Variants in SCAF4 observed in about 807,000 individuals in gnomAD.
The protein encoded by SCAF4 is SR-related CTD associated factor 4.
A neutral mutation model predicts 129.8 loss-of-function variants in SCAF4; 25 were observed. The observed-to-expected ratio is 0.19, with a 90% CI of 0.14 to 0.27. The LOEUF (loss-of-function observed/expected upper bound fraction) is 0.27, where lower values mean the gene tolerates loss of function less well. SCAF4 is among the 10% of genes least tolerant of loss of function. The pLI, the probability that SCAF4 is intolerant of heterozygous loss-of-function variation, is 1.00. For missense variants in SCAF4, 1,246 were observed against 1,457.1 expected (o/e 0.86, Z 2.36); for synonymous variants, 551 against 497.7 (o/e 1.11, Z -1.43).
At chr21:31,705,307 C>A in intron 3 of SCAF4, 116 bp downstream of exon 3, 1 of 515,202 alleles carries the variant, frequency 1.9e-6, no homozygotes, top group Non-Finnish European at 3.5e-6. Context: ...TAAAAAGAAC[C>A]TCTAGTGACT....
intron 1 of SCAF4, among the ~76,000 whole-genome samples, chr21:31,716,788 T>C (rs1413282238): frequency 6.6e-6 from 1 of 152,148 alleles, no homozygotes. Context: ...AATGTGTGTC[T>C]GGGTTAATAC....
rs549879115 is a variant in SCAF4, at chr21:31,709,361, A to AAAAAG, written c.31-3005_31-3004insCTTTT. 4.8e-3 allele frequency among the ~76,000 whole-genome samples: 731 copies of AAAAAG among 151,406 alleles called. 2 individuals are homozygous for AAAAAG. The highest frequency in any genetic ancestry group is 0.017 in the Middle Eastern group (5 of 294). On this transcript the variant is annotated intron_variant, in intron 1 of 19. Coordinates refer to ENST00000286835, the MANE Select transcript of SCAF4 (RefSeq NM_020706.2). ...GGTACTGAAACTGTCAAAAAAAAAA[A>AAAAAG]AAAGAAAGAAAGAAAGAAAGAAATG...
chr21:31,709,446 C>T (rs1175724382), intron 1 of SCAF4, among the ~76,000 whole-genome samples: 3 of 151,890 alleles, frequency 2.0e-5, no homozygotes, highest in Non-Finnish European at 4.4e-5. Flanking sequence ...TTAAGGAAAC[C>T]TAAGCCAGAG....
intron 1 of SCAF4, among the ~76,000 whole-genome samples, chr21:31,711,666 ATATAT>A (rs1306598997): frequency 6.6e-6 from 1 of 152,224 alleles, no homozygotes; most frequent in Non-Finnish European, 1.5e-5. Flanking sequence ...ATTATTTCAA[ATATAT>A]TAGCCCAGAA....
intron 1 of SCAF4, among the ~76,000 whole-genome samples, chr21:31,709,903 T>C (rs563309322): frequency 2.4e-4 from 36 of 151,576 alleles, no homozygotes; most frequent in African/African-American, 8.0e-4. Flanking sequence ...GCCTAGGCCA[T>C]GATCTGAACT....
At chr21:31,708,336 C>T (rs186178557) in intron 1 of SCAF4, among the ~76,000 whole-genome samples, 4 of 150,396 alleles carry the variant, frequency 2.7e-5, no homozygotes, top group East Asian at 2.0e-4. Context: ...GCCAAGATCG[C>T]GCCACTGCAC....
rs1278515378 is a variant in SCAF4 at position 31,702,257 on chromosome 21, A to G, written c.444T>C (p.Val148=). 6.2e-7 allele frequency: 1 copy of G among 1,614,012 alleles called. No individual in the cohort carries two copies. The highest frequency in any genetic ancestry group is 8.5e-7 in the Non-Finnish European group (1 of 1,180,002). Residue 148 remains valine (V), a synonymous_variant, in exon 5 of 20, where the codon GTT becomes GTC. Transcript: ENST00000286835. ...TSNAAPVAEN[V]TNNEGSPPPP... is the part of the protein sequence containing the mutation. ...ATCTGACCATACCTTCATTATTGGT[A>G]ACATTTTCTGCTACTGGGGCTGCAT...
intron 1 of SCAF4, among the ~76,000 whole-genome samples, chr21:31,718,348 C>T (rs1047681286): frequency 6.6e-6 from 1 of 152,132 alleles, no homozygotes; most frequent in Non-Finnish European, 1.5e-5. Flanking sequence ...AGACTCAAAC[C>T]TTTTGAAACC....
intron 8 of SCAF4, 40 bp from the exon 9 acceptor site, chr21:31,696,261 C>T: frequency 6.7e-7 from 1 of 1,483,084 alleles, no homozygotes; most frequent in South Asian, 1.1e-5. Flanking sequence ...TTCAAAAGCA[C>T]AAGCTTCTCA....
At chr21:31,688,146 G>C (rs1366191995) in intron 16 of SCAF4, among the ~76,000 whole-genome samples, 161 bp downstream of exon 16, 2 of 44,524 alleles carry the variant, frequency 4.5e-5, no homozygotes, top group Non-Finnish European at 8.7e-5. Context: ...AAAAAAAAAA[G>C]TGAAGAATAT....
chr21:31,686,684 T>C (rs1450977988), intron 16 of SCAF4, among the ~76,000 whole-genome samples: 2 of 152,020 alleles, frequency 1.3e-5, no homozygotes, highest in African/African-American at 4.8e-5. Flanking sequence ...CACACAGCAG[T>C]GGGCAAGCAA....
In SCAF4 at chr21:31,672,153, A is replaced by G; in HGVS notation, c.2690T>C (p.Phe897Ser). The change falls in exon 20 of 20, where the codon TTT becomes TCT. Residue 897 changes from phenylalanine to serine, a missense_variant. Coordinates refer to ENST00000286835, the MANE Select transcript of SCAF4 (RefSeq NM_020706.2). ...HRGPPPGPGG[F>S]AMPPPHGMKG... is the part of the protein sequence containing the mutation. Reference sequence around the variant, plus strand: ...CATTCCATGAGGTGGAGGCATCGCAAAGCCCCCTGGTCCTGGCGGTGGGCC... The same window carrying G: ...CATTCCATGAGGTGGAGGCATCGCAGAGCCCCCTGGTCCTGGCGGTGGGCC... The G allele has an allele frequency of 6.2e-7, 1 of 1,605,576 alleles. No individual in the cohort carries two copies. The highest frequency in any genetic ancestry group is 8.5e-7 in the Non-Finnish European group (1 of 1,173,958).
chr21:31,680,903 CA>C (rs2049979959), intron 19 of SCAF4, among the ~76,000 whole-genome samples: 1 of 152,184 alleles, frequency 6.6e-6, no homozygotes, highest in East Asian at 1.9e-4. Flanking sequence ...TAGGCAGTTT[CA>C]GGGATCATAA....
rs780741353 is a variant in SCAF4, at chr21:31,696,631, G to A, written c.897C>T (p.Thr299=). The change falls in exon 8 of 20, where the codon ACC becomes ACT. Residue 299 remains threonine, a synonymous_variant. Transcript: ENST00000286835. ...APAAAVPPAP[T]ATVPAAAAPA... The stretch of plus-strand genomic sequence containing the variant: ...GTGCAGCAGCAGCAGGCACGGTGGC[G>A]GTGGGTGCAGGGGGTACTGCGGCAG... The A allele has an allele frequency of 2.9e-5, 47 of 1,613,320 alleles. No individual in the cohort carries two copies. The highest frequency in any genetic ancestry group is 1.6e-4 in the Middle Eastern group (1 of 6,076).
intron 1 of SCAF4, among the ~76,000 whole-genome samples, chr21:31,720,530 G>A (rs204732): frequency 0.11 from 16,536 of 152,224 alleles, 1,105 homozygotes; most frequent in Non-Finnish European, 0.15. Flanking sequence ...AGGACTCACT[G>A]CTCAAAAACT....
rs1346967940 is a variant in SCAF4 at position 31,732,094 on chromosome 21, G to A, written c.-402C>T. The A allele has an allele frequency of 1.7e-5, 7 of 408,944 alleles. 1 individual carries two copies. In the East Asian group the frequency reaches 1.8e-4, roughly 11 times the overall value. 25.3% of individuals were successfully genotyped at this position (408,944 alleles called of 1,614,324 possible). A position where few individuals can be genotyped will look rare whatever the true frequency, so the allele number is the denominator to read the frequency against. Reference sequence around the variant, plus strand: ...TCCAGCGGGATGGCGGCAGCGGCCCGAGTCCACGCCGCGCGGGGCACCCTG... The same window carrying A: ...TCCAGCGGGATGGCGGCAGCGGCCCAAGTCCACGCCGCGCGGGGCACCCTG... On this transcript the variant is annotated 5_prime_UTR_variant, in exon 1 of 20. Transcript: ENST00000286835.
chr21:31,730,435 G>A (rs2123707866), intron 1 of SCAF4, among the ~76,000 whole-genome samples: 1 of 152,184 alleles, frequency 6.6e-6, no homozygotes, highest in South Asian at 2.1e-4. Flanking sequence ...AATTTATATG[G>A]CAATAAATTG....
At position 31,694,832 on chromosome 21, in the gene SCAF4, G is replaced by T. The variant is rs1319549437; in HGVS notation, c.1217C>A (p.Thr406Lys). The T allele has an allele frequency of 6.2e-7, 1 of 1,614,158 alleles. No homozygotes were observed. Among genetic ancestry groups the T allele is most frequent in the East Asian group, 2.2e-5 (1 of 44,878 alleles). The stretch of plus-strand genomic sequence containing the variant: ...TTTTACCTGCTGATGCGGCTTCTGT[G>T]TAAGTGGTTCATTTTGTGCCTGAAA... Reference protein sequence around the residue: ...ASFQAQNEPLTQKPHQQEMEV... With the variant: ...ASFQAQNEPLKQKPHQQEMEV... The change falls in exon 10 of 20, where the codon ACA becomes AAA. Residue 406 changes from threonine (T) to lysine (K), a missense_variant. Thr to Lys is a moderately conservative substitution (Grantham distance 78). Coordinates refer to ENST00000286835, the MANE Select transcript of SCAF4 (RefSeq NM_020706.2).
chr21:31,680,183 C>CGT (rs2049964387), intron 19 of SCAF4, among the ~76,000 whole-genome samples: 1 of 152,202 alleles, frequency 6.6e-6, no homozygotes, highest in African/African-American at 2.4e-5. Flanking sequence ...AGCAGCCTAA[C>CGT]AAGTGACAGC....
Sources: gnomAD v4.1 joint callset for allele counts (sites outside exome capture counted in the v4.1 genomes callset) on GRCh38, gnomAD v4.1.1 for gene constraint, MANE v1.5 for transcripts, NCBI Gene and HGNC (gene_info 2026-07-23, HGNC 2026-07-21) for gene names.